The following PDZD9 variants were observed in gnomAD, a reference collection of about 807,000 sequenced individuals.
The protein encoded by PDZD9 is PDZ domain-containing protein 9.
In PDZD9, 13 loss-of-function variants were observed where a neutral mutation model predicts 16.3. The ratio of observed to expected loss-of-function variants is 0.80; its 90% CI spans 0.52 to 1.27. PDZD9 has a LOEUF of 1.27. Among genes scored for constraint, PDZD9 ranks in the 50% most tolerant of loss-of-function variants. The probability of loss-of-function intolerance (pLI) is 0.00; values close to 1 mark genes in which losing one functional copy is unlikely to be tolerated. For missense variants in PDZD9, 288 were observed against 310.9 expected (o/e 0.93, Z 0.55); for synonymous variants, 120 against 111.0 (o/e 1.08, Z -0.51).
chr16:21,988,615 A>G lies in PDZD9; in HGVS notation c.388T>C (p.Phe130Leu). 3.7e-6 allele frequency: 6 copies of G among 1,610,100 alleles called. No individual in the cohort carries two copies. Among genetic ancestry groups the G allele is most frequent in the Non-Finnish European group, 5.1e-6 (6 of 1,177,866 alleles). ...TGAACTATTTACCTTGTTACTGGGA[A>G]TTTGGCCTCAGGGATTAAATCATAT... Reference protein sequence around the residue: ...EIYDLIPEAKFPVTSTPKKIE... With the variant: ...EIYDLIPEAKLPVTSTPKKIE... The change falls in exon 3 of 4, where the codon TTC (phenylalanine) becomes CTC (leucine). Residue 130 changes from phenylalanine to leucine, a missense_variant. By Grantham distance (22) the Phe-to-Leu change is conservative. Transcript: ENST00000424898.
At chr16:21,992,621 C>T (rs1482079962) in intron 2 of PDZD9, among the ~76,000 whole-genome samples, 2 of 152,178 alleles carry the variant, frequency 1.3e-5, no homozygotes, top group African/African-American at 4.8e-5. Context: ...TGGATGCTTC[C>T]TGCCCTCGAA....
chr16:21,989,135 G>T (rs1431511957), intron 2 of PDZD9, among the ~76,000 whole-genome samples: 2 of 151,282 alleles, frequency 1.3e-5, no homozygotes, highest in African/African-American at 4.9e-5. Context: ...GTTTCACCAT[G>T]TTGGCCAGGC....
chr16:21,991,235 CT>C (rs200663594), intron 2 of PDZD9, among the ~76,000 whole-genome samples: 141 of 144,652 alleles, frequency 9.7e-4, no homozygotes, highest in Middle Eastern at 3.6e-3. Flanking sequence ...ACATTAATTT[CT>C]TTTTTTTTTT....
chr16:22,001,024 GT>G lies in PDZD9; in HGVS notation c.23del (p.Asn8ThrfsTer18). The G allele has an allele frequency of 1.3e-6, 2 of 1,532,638 alleles. No individual in the cohort carries two copies. Among genetic ancestry groups the G allele is most frequent in the Admixed American group, 4.0e-5 (2 of 50,340 alleles). The allele number at this position is 1,532,638 out of a possible 1,614,324, so 94.9% of individuals were successfully genotyped here. A position where few individuals can be genotyped will look rare whatever the true frequency, so the allele number is the denominator to read the frequency against. On this transcript the variant is annotated frameshift_variant, in exon 1 of 4. Coordinates refer to ENST00000424898, the MANE Select transcript of PDZD9 (RefSeq NM_001363519.1). LOFTEE classifies it high-confidence loss of function. The part of the protein sequence containing the change: MQKASHK[N>X]KKERGVSNKV... ...TTCCTTCTCCCCAGTTACCTTTTTT[GT>G]TTTTGTGGGAGGCCTTCTGCATGGT...
At position 21,984,148 on chromosome 16, in the gene PDZD9, A is replaced by G. The variant is rs988812825; in HGVS notation, c.*119T>C. On this transcript the variant is annotated 3_prime_UTR_variant, in exon 4 of 4. Transcript: ENST00000424898. ...TCTCTAAAGGCTTTATAACGCAGTC[A>G]TAAGAGAAGAGAATTGGTGAGTCTA... The G allele has an allele frequency of 6.3e-5, 71 of 1,131,018 alleles. No homozygotes were observed. Among genetic ancestry groups the G allele is most frequent in the Non-Finnish European group, 7.9e-5 (63 of 800,520 alleles). The allele number at this position is 1,131,018 out of a possible 1,614,324, so 70.1% of individuals were successfully genotyped here. A position where few individuals can be genotyped will look rare whatever the true frequency, so the allele number is the denominator to read the frequency against.
the PDZD9 span, chr16:21,962,376 A>G: frequency 6.6e-7 from 1 of 1,513,982 alleles, no homozygotes; most frequent in Non-Finnish European, 9.1e-7. Context: ...TTTTCTTTCC[A>G]AAGGAATTGG....
At chr16:21,968,513 C>T in the PDZD9 span, 9 of 838,158 alleles carry the variant, frequency 1.1e-5, no homozygotes, top group Admixed American at 2.4e-4. Context: ...TAGTTCATTA[C>T]AGCAACTTAT....
Position 21,984,134 on chromosome 16 carries a change from T to C in PDZD9, c.*133A>G. ...CCTGTTGAAGAACATCTCTAAAGGC[T>C]TTATAACGCAGTCATAAGAGAAGAG... On this transcript the variant is annotated 3_prime_UTR_variant, in exon 4 of 4. Coordinates refer to ENST00000424898, the MANE Select transcript of PDZD9 (RefSeq NM_001363519.1). 1 of 985,714 alleles carries C rather than the reference T, an allele frequency of 1.0e-6. No individual in the cohort carries two copies. Among genetic ancestry groups the C allele is most frequent in the Non-Finnish European group, 1.5e-6 (1 of 679,066 alleles). 61.1% of individuals were successfully genotyped at this position (985,714 alleles called of 1,614,324 possible). A position where few individuals can be genotyped will look rare whatever the true frequency, so the allele number is the denominator to read the frequency against.
the PDZD9 span, chr16:21,971,649 T>G: frequency 3.1e-6 from 5 of 1,604,262 alleles, no homozygotes; most frequent in Non-Finnish European, 4.3e-6. Flanking sequence ...TAGGGTTAAT[T>G]TATCAGAAGG....
the PDZD9 span, chr16:21,962,648 A>G: frequency 4.5e-5 from 71 of 1,589,236 alleles, no homozygotes; most frequent in Non-Finnish European, 5.9e-5. Flanking sequence ...GCTCAAAAAC[A>G]CTGCTTACCA....
chr16:21,984,582 T>G lies in PDZD9; in HGVS notation c.480A>C (p.Lys160Asn). Residue 160 changes from lysine (K) to asparagine (N), a missense_variant, in exon 4 of 4, where the codon AAA becomes AAC. Transcript: ENST00000424898. ...ACGGATATCTATAATATTGAAGTCTTTTATCTAAATCTACATTTTCATTAT... is the reference window on the plus strand; with the variant it reads ...ACGGATATCTATAATATTGAAGTCTGTTATCTAAATCTACATTTTCATTAT... ...SDDNENVDLDKRLQYYRYPWS... is the reference protein window; with the variant it reads ...SDDNENVDLDNRLQYYRYPWS... The G allele has an allele frequency of 6.4e-7, 1 of 1,560,906 alleles. No individual in the cohort carries two copies. The highest frequency in any genetic ancestry group is 8.7e-7 in the Non-Finnish European group (1 of 1,149,776).
chr16:21,963,832 A>G, the PDZD9 span, among the ~76,000 whole-genome samples: 2 of 152,128 alleles, frequency 1.3e-5, no homozygotes, highest in African/African-American at 4.8e-5. Context: ...TGCTGCTGCT[A>G]TTATTGCTTA....
At chr16:21,982,599 G>A (rs1295332902), downstream of PDZD9, among the ~76,000 whole-genome samples, 1 of 152,066 alleles carries the variant, frequency 6.6e-6, no homozygotes, top group African/African-American at 2.4e-5. Flanking sequence ...CTCCCACACT[G>A]TCCCAAATTA....
chr16:21,961,347 C>G, the PDZD9 span: 1 of 446,904 alleles, frequency 2.2e-6, no homozygotes, highest in Non-Finnish European at 4.5e-6. Flanking sequence ...TAAAGTATGA[C>G]AGAGTCATGA....
chr16:21,989,809 A>G (rs1898978428), intron 2 of PDZD9, among the ~76,000 whole-genome samples: 1 of 152,190 alleles, frequency 6.6e-6, no homozygotes. Flanking sequence ...AGAGGACTAC[A>G]TCTTGAGCAC....
chr16:21,972,876 C>G, the PDZD9 span, among the ~76,000 whole-genome samples: 3 of 152,230 alleles, frequency 2.0e-5, no homozygotes, highest in Non-Finnish European at 2.9e-5. Context: ...CCAAGTTGGG[C>G]GGATCACAAG....
At chr16:21,960,127 C>T in the PDZD9 span, among the ~76,000 whole-genome samples, 9 of 152,204 alleles carry the variant, frequency 5.9e-5, no homozygotes, top group Non-Finnish European at 8.8e-5. Flanking sequence ...ATTGACTTCT[C>T]TAGCTACGAA....
At chr16:21,959,381 A>G in the PDZD9 span, 1 of 273,380 alleles carries the variant, frequency 3.7e-6, no homozygotes, top group Non-Finnish European at 7.4e-6. Context: ...TATCTCAAGA[A>G]ACCACTTTGT....
In PDZD9 at chr16:21,984,409, G is replaced by T; in HGVS notation, c.653C>A (p.Ala218Asp). 6.2e-7 allele frequency: 1 copy of T among 1,614,082 alleles called. No homozygotes were observed. Among genetic ancestry groups the T allele is most frequent in the African/African-American group, 1.3e-5 (1 of 75,004 alleles). ...CACCATTATCCAGTATGGAGAAGGG[G>T]CCCTCACTTCTTTCTTGTCGTCTCT... ...IHRDDKKEVR[A>D]PSPYWIMVKQ... The change falls in exon 4 of 4, where the codon GCC becomes GAC. Residue 218 changes from alanine (A) to aspartate (D), a missense_variant. Coordinates refer to ENST00000424898, the MANE Select transcript of PDZD9 (RefSeq NM_001363519.1).
Sources: allele counts gnomAD v4.1 joint callset (sites outside exome capture counted in the v4.1 genomes callset), GRCh38; gene constraint gnomAD v4.1.1; transcripts MANE v1.5; gene names NCBI Gene and HGNC (gene_info 2026-07-23, HGNC 2026-07-21).